ANKRD24: variants seen among roughly 807,000 people sequenced by gnomAD.
ANKRD24 encodes the protein ankyrin repeat domain-containing protein 24.
In ANKRD24, 109 loss-of-function variants were observed where a neutral mutation model predicts 127.8. The ratio of observed to expected loss-of-function variants is 0.85; its 90% confidence interval spans 0.73 to 1.00. The LOEUF is 1.00. ANKRD24 is among the 50% of genes least tolerant of loss of function. The pLI, the probability that ANKRD24 is intolerant of heterozygous loss-of-function variation, is 0.00. For missense variants in ANKRD24, 1,648 were observed against 1,570.2 expected (o/e 1.05, Z -0.84); for synonymous variants, 743 against 671.1 (o/e 1.11, Z -1.66).
rs1968895439 is a variant in ANKRD24, at chr19:4,198,468, C to G, written c.37-1215C>G. 6.5e-6 allele frequency: 4 copies of G among 618,630 alleles called. No homozygotes were observed. The highest frequency in any genetic ancestry group is 3.4e-5 in the South Asian group (2 of 58,456). 38.3% of individuals were successfully genotyped at this position (618,630 alleles called of 1,614,324 possible). A position where few individuals can be genotyped will look rare whatever the true frequency, so the allele number is the denominator to read the frequency against. ...CGCCTCCTCTTGGAACCCCGTGCGC[C>G]CCCCGCGCCCCGCGCCCCGGACGCC... On this transcript the variant is annotated intron_variant, in intron 2 of 21. Transcript: ENST00000318934. The surrounding 1 kb of genome is among the most constrained non-coding windows in gnomAD (Gnocchi z 6.1).
At chr19:4,214,172 CTT>C (rs11367695) in intron 15 of ANKRD24, among the ~76,000 whole-genome samples, 3 of 147,016 alleles carry the variant, frequency 2.0e-5, no homozygotes, top group Non-Finnish European at 1.5e-5. Flanking sequence ...ACAAATATTT[CTT>C]TTTTTTTTTT....
intron 2 of ANKRD24, among the ~76,000 whole-genome samples, chr19:4,188,671 C>T (rs1056742101): frequency 2.0e-4 from 30 of 152,086 alleles, no homozygotes; most frequent in Admixed American, 4.6e-4. Flanking sequence ...TGAGCCACTG[C>T]GCCCAGCCAA....
chr19:4,210,062 C>CT lies in ANKRD24; in HGVS notation c.876dup (p.Met293TyrfsTer27). 1 of 1,610,894 alleles carries CT rather than the reference C, an allele frequency of 6.2e-7. No homozygotes were observed. The highest frequency in any genetic ancestry group is 8.5e-7 in the Non-Finnish European group (1 of 1,178,592). ...CTCTCTCCCCTCCCTTCCCAGAACT[C>CT]TATGTCCAGCCATGGAAAGCAGGGG... On this transcript the variant is annotated frameshift_variant, in exon 12 of 22. Coordinates refer to ENST00000318934, the MANE Select transcript of ANKRD24 (RefSeq NM_001393985.1). LOFTEE classifies it high-confidence loss of function.
chr19:4,224,486 T>C lies in ANKRD24; in HGVS notation c.3422T>C (p.Leu1141Pro). 6.2e-7 allele frequency: 1 copy of C among 1,610,852 alleles called. No homozygotes were observed. The highest frequency in any genetic ancestry group is 1.7e-5 in the Admixed American group (1 of 59,628). The change falls in exon 22 of 22, where the codon CTC (leucine) becomes CCC (proline). Residue 1141 changes from leucine (L) to proline (P), a missense_variant. Leu to Pro is a moderately conservative substitution (Grantham distance 98). Coordinates refer to ENST00000318934, the MANE Select transcript of ANKRD24 (RefSeq NM_001393985.1). The part of the protein sequence containing the change: ...ILSQILQMQR[L>P]QAQGR ...AGCCAGATTCTGCAGATGCAGAGAC[T>C]CCAGGCTCAGGGCCGCTGAGAAAGG...
rs1165673390 is a variant in ANKRD24, at chr19:4,210,779, C to T, written c.1059+407C>T. Among the ~76,000 whole-genome samples, 3 of 103,930 alleles carry T rather than the reference C, an allele frequency of 2.9e-5. 1 individual carries two copies. Among genetic ancestry groups the T allele is most frequent in the African/African-American group, 8.4e-5 (2 of 23,898 alleles). The allele number at this position is 103,930 out of a possible 152,430, so 68.2% of individuals were successfully genotyped here. ...TCTTCAAAATTGTAACATCACCCCC[C>T]ACCACCCCCCCGGCCAACTCGCTAG... On this transcript the variant is annotated intron_variant, in intron 13 of 21. Coordinates refer to ENST00000318934, the MANE Select transcript of ANKRD24 (RefSeq NM_001393985.1).
chr19:4,194,031 G>A (rs920219864), intron 2 of ANKRD24, among the ~76,000 whole-genome samples: 2 of 151,016 alleles, frequency 1.3e-5, no homozygotes, highest in African/African-American at 2.4e-5. Context: ...TGCCATTGCA[G>A]CCTGAGAATA....
intron 20 of ANKRD24, among the ~76,000 whole-genome samples, 193 bp from the exon 21 acceptor site, chr19:4,223,933 CA>C (rs1970599877): frequency 1.3e-5 from 2 of 152,028 alleles, no homozygotes; most frequent in Non-Finnish European, 2.9e-5. Flanking sequence ...CTCCTGACCT[CA>C]AGTGAGCCAC....
chr19:4,200,226 C>G lies in ANKRD24; in HGVS notation c.343+55C>G, dbSNP rs185580099. 3.6e-4 allele frequency: 539 copies of G among 1,515,202 alleles called. 3 individuals are homozygous for G. In the East Asian group the frequency reaches 7.6e-3, roughly 21 times the overall value. 93.9% of individuals were successfully genotyped at this position (1,515,202 alleles called of 1,614,324 possible). ...GAGGAACTAAGCCCAGGTGCCCAGC[C>G]TGAGGGTCCAGCCAGACCCTGCTCC... On this transcript the variant is annotated intron_variant, in intron 5 of 21. Coordinates refer to ENST00000318934, the MANE Select transcript of ANKRD24 (RefSeq NM_001393985.1).
chr19:4,197,552 A>T (rs1195547135), intron 2 of ANKRD24, among the ~76,000 whole-genome samples: 1 of 142,080 alleles, frequency 7.0e-6, no homozygotes, highest in Middle Eastern at 3.3e-3. Context: ...TGAATAAGTG[A>T]ATGGGTCATA....
intron 2 of ANKRD24, among the ~76,000 whole-genome samples, chr19:4,197,164 T>C (rs1599411220): frequency 6.6e-6 from 1 of 152,064 alleles, no homozygotes; most frequent in East Asian, 1.9e-4. Flanking sequence ...AATAGGTAAG[T>C]CTGTTGGCCC....
chr19:4,223,553 G>A (rs1421004989), intron 20 of ANKRD24, among the ~76,000 whole-genome samples: 1 of 150,194 alleles, frequency 6.7e-6, no homozygotes, highest in Non-Finnish European at 1.5e-5. Context: ...GACTACAGGT[G>A]TGAGCCACCT....
intron 2 of ANKRD24, among the ~76,000 whole-genome samples, chr19:4,197,214 C>T (rs545830132): frequency 6.6e-6 from 1 of 152,236 alleles, no homozygotes; most frequent in South Asian, 2.1e-4. Context: ...GGGCGGGGTG[C>T]TGGATTCAAA....
chr19:4,208,037 C>T (rs1969497381), intron 10 of ANKRD24, 69 bp downstream of exon 10: 1 of 1,386,238 alleles, frequency 7.2e-7, no homozygotes, highest in East Asian at 2.7e-5. Context: ...TTCTCTTTAT[C>T]GTGAATAGTT....
At chr19:4,190,715 G>A (rs1968340370) in intron 2 of ANKRD24, among the ~76,000 whole-genome samples, 1 of 152,174 alleles carries the variant, frequency 6.6e-6, no homozygotes, top group Admixed American at 6.5e-5. Context: ...CCCAGCCTGG[G>A]TGACAGAGCG....
At chr19:4,219,802 C>T in intron 19 of ANKRD24, 44 bp downstream of exon 19, 6 of 1,538,778 alleles carry the variant, frequency 3.9e-6, no homozygotes, top group Non-Finnish European at 5.3e-6. Flanking sequence ...GGCATCCACT[C>T]AGCAAAGGTT....
intron 21 of ANKRD24, 66 bp downstream of exon 21, chr19:4,224,258 G>C (rs944367424): frequency 2.7e-6 from 4 of 1,508,976 alleles, no homozygotes; most frequent in Admixed American, 3.8e-5. Context: ...CTGAGCCTCA[G>C]TTTCCCCTTC....
chr19:4,199,863 C>T lies in ANKRD24; in HGVS notation c.124-12C>T, dbSNP rs59677652. The T allele has an allele frequency of 0.013, 19,711 of 1,563,326 alleles. 674 individuals are homozygous for T. The highest frequency in any genetic ancestry group is 0.13 in the African/African-American group (9,221 of 73,642). ...CAACACTGCCCCACGCACTTCTGGG[C>T]GTGCCCTGCAGAGTCAAGACTGGGG... On this transcript the variant is annotated splice_polypyrimidine_tract_variant and intron_variant, in intron 3 of 21. Transcript: ENST00000318934. The surrounding 1 kb of genome is among the most constrained non-coding windows in gnomAD (Gnocchi z 5.2).
At position 4,200,191 on chromosome 19, in the gene ANKRD24, G is replaced by A. The variant is rs756307297; in HGVS notation, c.343+20G>A. On this transcript the variant is annotated intron_variant, in intron 5 of 21. Transcript: ENST00000318934. ...GGGCAGGTACTGCCAGCTGGGCCCCGGGGAGGGAGGAGGAACTAAGCCCAG... is the reference window on the plus strand; with the variant it reads ...GGGCAGGTACTGCCAGCTGGGCCCCAGGGAGGGAGGAGGAACTAAGCCCAG... 4.6e-5 allele frequency: 73 copies of A among 1,576,558 alleles called. No individual in the cohort carries two copies. The highest frequency in any genetic ancestry group is 6.9e-5 in the East Asian group (3 of 43,180).
chr19:4,190,253 G>A lies in ANKRD24; in HGVS notation c.36+3792G>A, dbSNP rs574029600. 6.6e-5 allele frequency among the ~76,000 whole-genome samples: 10 copies of A among 151,974 alleles called. No individual in the cohort carries two copies. In the East Asian group the frequency reaches 1.4e-3, roughly 21 times the overall value. ...GATCGAGGCCATCCTCATTAACACG[G>A]TGAAACCCCGTCTCTACTAAAAATA... is the stretch of plus-strand genomic sequence containing the variant. On this transcript the variant is annotated intron_variant, in intron 2 of 21. Transcript: ENST00000318934.
Sources: gnomAD v4.1 joint callset for allele counts (sites outside exome capture counted in the v4.1 genomes callset) on GRCh38, gnomAD v4.1.1 for gene constraint, Gnocchi (gnomAD v3.1) non-coding constraint, MANE v1.5 for transcripts, NCBI Gene and HGNC (gene_info 2026-07-23, HGNC 2026-07-21) for gene names.